LMX1A: variants seen among roughly 807,000 people sequenced by gnomAD.
LMX1A encodes LIM homeobox transcription factor 1 alpha, also known as LIM homeobox transcription factor 1-alpha.
Under a neutral mutation model 49.1 loss-of-function variants are expected in LMX1A, and 15 were observed. That is an observed-to-expected ratio of 0.31 (90% CI 0.20 to 0.47). The LOEUF is 0.47. Ranked by LOEUF, LMX1A falls within the 20% of genes least tolerant of loss-of-function variation. The pLI is 1.00. For synonymous variants in LMX1A, 167 were observed against 185.7 expected (o/e 0.90, Z 0.82); for missense variants, 372 against 475.8 (o/e 0.78, Z 2.03).
At chr1:165,308,687 C>T (rs1045366506) in intron 3 of LMX1A, among the ~76,000 whole-genome samples, 2 of 152,170 alleles carry the variant, frequency 1.3e-5, no homozygotes, top group Non-Finnish European at 2.9e-5. Flanking sequence ...CTTGATTGGT[C>T]CCCTGGACTT....
intron 3 of LMX1A, among the ~76,000 whole-genome samples, chr1:165,302,465 G>A (rs984276199): frequency 6.6e-6 from 1 of 151,482 alleles, no homozygotes; most frequent in Non-Finnish European, 1.5e-5. Context: ...TAAAATAAAG[G>A]AAAAAAAAGA....
intron 3 of LMX1A, among the ~76,000 whole-genome samples, chr1:165,260,507 TGTGC>T (rs2102647586): frequency 6.6e-6 from 1 of 152,278 alleles, no homozygotes; most frequent in African/African-American, 2.4e-5. Context: ...TTATTACCAT[TGTGC>T]TATATGTCCA....
chr1:165,252,698 CAG>C (rs999634914), intron 3 of LMX1A, among the ~76,000 whole-genome samples: 13 of 152,194 alleles, frequency 8.5e-5, no homozygotes, highest in East Asian at 3.9e-4. Flanking sequence ...ACAGAATGGC[CAG>C]AGAGAGCAGA....
chr1:165,351,073 C>T (rs901266012), intron 3 of LMX1A, among the ~76,000 whole-genome samples: 1 of 152,230 alleles, frequency 6.6e-6, no homozygotes, highest in African/African-American at 2.4e-5. Context: ...TTTACAACAA[C>T]TGTTTCTTCT....
chr1:165,328,652 T>G (rs1230382889), intron 3 of LMX1A, among the ~76,000 whole-genome samples: 2 of 152,240 alleles, frequency 1.3e-5, no homozygotes, highest in Admixed American at 6.5e-5. Flanking sequence ...CTCAGTCATA[T>G]TCACAGAGGC....
intron 3 of LMX1A, among the ~76,000 whole-genome samples, chr1:165,345,857 C>T (rs1448846272): frequency 2.0e-5 from 3 of 152,198 alleles, no homozygotes; most frequent in Non-Finnish European, 4.4e-5. Context: ...TAGCAAGACT[C>T]TGTCGCTACT....
At chr1:165,214,835 A>T (rs1651580348) in intron 4 of LMX1A, among the ~76,000 whole-genome samples, 1 of 152,230 alleles carries the variant, frequency 6.6e-6, no homozygotes, top group Non-Finnish European at 1.5e-5. Flanking sequence ...AACTATTTGA[A>T]ATACTTCAAC....
chr1:165,249,737 C>A, intron 3 of LMX1A, 97 bp from the exon 4 acceptor site: 2 of 802,650 alleles, frequency 2.5e-6, no homozygotes, highest in Non-Finnish European at 4.2e-6. Flanking sequence ...ACTTCAAGAA[C>A]TGGGATATGA....
chr1:165,256,163 C>G (rs905638878), intron 3 of LMX1A, among the ~76,000 whole-genome samples: 6 of 152,166 alleles, frequency 3.9e-5, no homozygotes, highest in African/African-American at 1.4e-4. Flanking sequence ...GTGGGCGTCT[C>G]TCCCTCTCTC....
At chr1:165,212,564 GGAAAAATAA>G (rs1318014670) in intron 5 of LMX1A, among the ~76,000 whole-genome samples, 3 of 151,758 alleles carry the variant, frequency 2.0e-5, no homozygotes, top group Non-Finnish European at 1.5e-5. Context: ...AAAGGATGCA[GGAAAAATAA>G]TGCTAACATT....
chr1:165,312,352 G>A (rs567051770), intron 3 of LMX1A, among the ~76,000 whole-genome samples: 1 of 152,248 alleles, frequency 6.6e-6, no homozygotes, highest in South Asian at 2.1e-4. Context: ...TCATTGTGCT[G>A]TTACTTTTAG....
chr1:165,226,387 G>A (rs1347595893), intron 4 of LMX1A, among the ~76,000 whole-genome samples: 1 of 152,200 alleles, frequency 6.6e-6, no homozygotes, highest in Non-Finnish European at 1.5e-5. Flanking sequence ...TTGCAAGACT[G>A]GTGAATTCAA....
At chr1:165,235,227 G>C (rs1652385288) in intron 4 of LMX1A, among the ~76,000 whole-genome samples, 1 of 152,154 alleles carries the variant, frequency 6.6e-6, no homozygotes, top group South Asian at 2.1e-4. Context: ...ACCAAACCAG[G>C]AGTCAGCTCA....
At position 165,355,741 on chromosome 1, in the gene LMX1A, G is replaced by T. The variant is rs1656587412; in HGVS notation, c.-22-160C>A. On this transcript the variant is annotated intron_variant, in intron 1 of 8. Transcript: ENST00000342310. The surrounding 1 kb of genome is among the most constrained non-coding windows in gnomAD (Gnocchi z 4.7). ...CAAGAGAATGTAGGGTGGGAGGAGA[G>T]ATCAGTCACAGCGAACTGCTCTGGC... 1.6e-6 allele frequency: 1 copy of T among 615,544 alleles called. No individual in the cohort carries two copies. Among genetic ancestry groups the T allele is most frequent in the South Asian group, 2.0e-5 (1 of 51,148 alleles). 38.1% of individuals were successfully genotyped at this position (615,544 alleles called of 1,614,324 possible). A position where few individuals can be genotyped will look rare whatever the true frequency, so the allele number is the denominator to read the frequency against.
At chr1:165,273,875 A>C (rs1653881407) in intron 3 of LMX1A, among the ~76,000 whole-genome samples, 1 of 152,230 alleles carries the variant, frequency 6.6e-6, no homozygotes, top group African/African-American at 2.4e-5. Context: ...GGGAGGGCAT[A>C]GAGGACCATG....
chr1:165,269,364 G>A (rs760237607), intron 3 of LMX1A, among the ~76,000 whole-genome samples: 2 of 152,194 alleles, frequency 1.3e-5, no homozygotes, highest in Non-Finnish European at 2.9e-5. Context: ...TGCACCAAAA[G>A]ATACCAGAAT....
intron 5 of LMX1A, among the ~76,000 whole-genome samples, chr1:165,212,317 C>A (rs895509328): frequency 2.0e-5 from 3 of 152,178 alleles, no homozygotes; most frequent in African/African-American, 7.2e-5. Flanking sequence ...CGATGGGCTT[C>A]CCACTTTGAC....
intron 3 of LMX1A, among the ~76,000 whole-genome samples, chr1:165,292,029 T>G (rs1198851688): frequency 8.2e-6 from 1 of 122,638 alleles, no homozygotes; most frequent in Non-Finnish European, 1.6e-5. Flanking sequence ...GCCACTGCAC[T>G]CCAGCCTGGG....
chr1:165,235,407 GACACAC>G (rs5778434), intron 4 of LMX1A, among the ~76,000 whole-genome samples: 2 of 134,494 alleles, frequency 1.5e-5, no homozygotes, highest in African/African-American at 4.9e-5. Context: ...CGCTCGCGCG[GACACAC>G]ACACACACAC....
Sources: gnomAD v4.1 joint callset for allele counts (sites outside exome capture counted in the v4.1 genomes callset) on GRCh38, gnomAD v4.1.1 for gene constraint, Gnocchi (gnomAD v3.1) non-coding constraint, MANE v1.5 for transcripts, NCBI Gene and HGNC (gene_info 2026-07-23, HGNC 2026-07-21) for gene names.